The following PCNX2 variants were observed in gnomAD, a reference collection of about 807,000 sequenced individuals.
PCNX2 encodes pecanex 2.
PCNX2 carries 168 observed loss-of-function variants against 223.8 expected under a neutral mutation model. The ratio of observed to expected loss-of-function variants is 0.75; its 90% CI spans 0.66 to 0.85. PCNX2 has a LOEUF of 0.85. Among genes scored for constraint, PCNX2 ranks in the 40% least tolerant of loss-of-function variants. The pLI is 0.00. For missense variants in PCNX2, 2,507 were observed against 2,675.5 expected (o/e 0.94, Z 1.39); for synonymous variants, 1,006 against 1,052.6 (o/e 0.96, Z 0.86).
intron 19 of PCNX2, among the ~76,000 whole-genome samples, chr1:233,145,235 G>C (rs565935255): frequency 6.6e-6 from 1 of 152,096 alleles, no homozygotes; most frequent in South Asian, 2.1e-4. Context: ...CAAAGTGTTG[G>C]GATTACAGCC....
At chr1:233,215,148 G>A (rs191359457) in intron 12 of PCNX2, among the ~76,000 whole-genome samples, 1 of 152,278 alleles carries the variant, frequency 6.6e-6, no homozygotes, top group Admixed American at 6.5e-5. Context: ...CCAAACCTGG[G>A]TTCCCGATCC....
intron 26 of PCNX2, among the ~76,000 whole-genome samples, chr1:233,017,697 T>C (rs1007604101): frequency 2.6e-5 from 4 of 151,552 alleles, no homozygotes; most frequent in African/African-American, 9.7e-5. Flanking sequence ...TCACTTGTAT[T>C]TTCTGCTGGG....
At chr1:233,231,541 T>C (rs1429608050) in intron 9 of PCNX2, 2 of 751,642 alleles carry the variant, frequency 2.7e-6, no homozygotes, top group African/African-American at 3.8e-5. Flanking sequence ...GGTTTTAAAT[T>C]ATTGGCCTGT....
At chr1:233,058,860 T>C (rs1672298621) in intron 23 of PCNX2, among the ~76,000 whole-genome samples, 1 of 152,018 alleles carries the variant, frequency 6.6e-6, no homozygotes. Context: ...AGACGGGGTT[T>C]TACCATGTTG....
intron 28 of PCNX2, among the ~76,000 whole-genome samples, chr1:233,005,522 C>T (rs1670251724): frequency 2.0e-5 from 3 of 152,174 alleles, no homozygotes; most frequent in Non-Finnish European, 2.9e-5. Flanking sequence ...CATTGTGGTG[C>T]TTCATGCTAT....
Position 233,263,079 on chromosome 1 carries a change from G to A in PCNX2, c.238C>T (p.Arg80Cys), listed in dbSNP as rs989007091. ...CCTTTGTCAAACATGAGGTGTAGGC[G>A]ATAACTGACCAGTTTGATTATTGTG... Reference protein sequence around the residue: ...FFTIIKLVSYRLHLMFDKGEV... With the variant: ...FFTIIKLVSYCLHLMFDKGEV... The change falls in exon 2 of 34, where the codon CGC (arginine) becomes TGC (cysteine). Residue 80 changes from arginine to cysteine, a missense_variant. Physicochemically the swap from Arg to Cys is radical, Grantham distance 180. Coordinates refer to ENST00000258229, the MANE Select transcript of PCNX2 (RefSeq NM_014801.4). 8 of 1,613,244 alleles carry A rather than the reference G, an allele frequency of 5.0e-6. No homozygotes were observed. Among genetic ancestry groups the A allele is most frequent in the Admixed American group, 3.3e-5 (2 of 60,002 alleles).
intron 21 of PCNX2, among the ~76,000 whole-genome samples, chr1:233,114,631 T>C (rs1354117650): frequency 6.6e-6 from 1 of 151,620 alleles, no homozygotes; most frequent in Non-Finnish European, 1.5e-5. Flanking sequence ...AACAGAAAAC[T>C]GATGGCTCGT....
At chr1:233,293,825 T>C (rs946726042) in intron 1 of PCNX2, 1 of 381,686 alleles carries the variant, frequency 2.6e-6, no homozygotes, top group Non-Finnish European at 3.6e-6. Flanking sequence ...CAAGCTCATA[T>C]TAGGTCTAGT....
intron 21 of PCNX2, among the ~76,000 whole-genome samples, chr1:233,099,328 A>G (rs1182209587): frequency 6.6e-6 from 1 of 152,212 alleles, no homozygotes; most frequent in Non-Finnish European, 1.5e-5. Flanking sequence ...ATCACACACT[A>G]TAGCAGCAGC....
chr1:233,160,426 A>G lies in PCNX2; in HGVS notation c.3374T>C (p.Leu1125Pro). Residue 1125 changes from leucine (L) to proline (P), a missense_variant, in exon 19 of 34, where the codon CTC (leucine) becomes CCC (proline). Transcript: ENST00000258229. ...STVFLSLRPFLSIVLFALAGA... is the reference protein window; with the variant it reads ...STVFLSLRPFPSIVLFALAGA... Reference sequence around the variant, plus strand: ...AGCCAAGGCAAACAGCACGATGCTGAGAAATGGCTGCGATAAAAATGGGCA... The same window carrying G: ...AGCCAAGGCAAACAGCACGATGCTGGGAAATGGCTGCGATAAAAATGGGCA... The G allele has an allele frequency of 6.2e-7, 1 of 1,613,624 alleles. No homozygotes were observed. The highest frequency in any genetic ancestry group is 1.1e-5 in the South Asian group (1 of 91,044).
intron 17 of PCNX2, among the ~76,000 whole-genome samples, chr1:233,170,917 C>T (rs942231224): frequency 6.6e-6 from 1 of 152,192 alleles, no homozygotes; most frequent in Non-Finnish European, 1.5e-5. Context: ...GTTAATGGTA[C>T]GGGCTGAGCA....
chr1:233,011,249 G>A (rs1223964516), intron 28 of PCNX2, among the ~76,000 whole-genome samples: 1 of 152,128 alleles, frequency 6.6e-6, no homozygotes, highest in Non-Finnish European at 1.5e-5. Flanking sequence ...GTTTCAACAT[G>A]AGGAAATCTA....
chr1:233,313,746 A>G, the PCNX2 span, among the ~76,000 whole-genome samples: 1 of 152,218 alleles, frequency 6.6e-6, no homozygotes, highest in Non-Finnish European at 1.5e-5. Flanking sequence ...ACAAAGAAAT[A>G]ACAGGTAGTT....
chr1:233,206,199 G>C (rs1355178052), intron 13 of PCNX2, among the ~76,000 whole-genome samples: 1 of 152,102 alleles, frequency 6.6e-6, no homozygotes, highest in African/African-American at 2.4e-5. Context: ...ATGGCTGGGG[G>C]TACCCAAGAG....
the PCNX2 span, among the ~76,000 whole-genome samples, chr1:233,311,327 A>G: frequency 1.3e-5 from 2 of 152,230 alleles, no homozygotes; most frequent in Non-Finnish European, 2.9e-5. Flanking sequence ...CCTGCCTGGA[A>G]AGATGGAGAC....
At position 233,014,666 on chromosome 1, in the gene PCNX2, T is replaced by C; in HGVS notation, c.4951A>G (p.Ser1651Gly). 2 of 1,613,426 alleles carry C rather than the reference T, an allele frequency of 1.2e-6. No homozygotes were observed. Among genetic ancestry groups the C allele is most frequent in the Non-Finnish European group, 1.7e-6 (2 of 1,179,372 alleles). Residue 1651 changes from serine (S) to glycine (G), a missense_variant and splice_region_variant, in exon 28 of 34, where the codon AGC becomes GGC. Ser to Gly is a moderately conservative substitution (Grantham distance 56, BLOSUM62 0). This residue lies in a region of PCNX2 where 1,372 missense variants were observed against 1,509.4 expected (regional missense o/e 0.91). Coordinates refer to ENST00000258229, the MANE Select transcript of PCNX2 (RefSeq NM_014801.4). ...ATTCTAACTTCTCCCCCCAGGTACC[T>C]GATGGCCATATTGTGAGCGGCTGTT... Reference protein sequence around the residue: ...LGTAAHNMAISLDSFLYGLHV... With the variant: ...LGTAAHNMAIGLDSFLYGLHV...
chr1:233,025,848 C>T (rs575819932), intron 25 of PCNX2, among the ~76,000 whole-genome samples: 1 of 152,312 alleles, frequency 6.6e-6, no homozygotes, highest in African/African-American at 2.4e-5. Context: ...TGATTAGTCA[C>T]CACGCAAAAA....
intron 22 of PCNX2, among the ~76,000 whole-genome samples, chr1:233,094,703 G>A (rs1674059167): frequency 1.3e-5 from 2 of 152,114 alleles, no homozygotes; most frequent in African/African-American, 2.4e-5. Context: ...TTGTCTTAAT[G>A]AGCCTTATGT....
chr1:233,185,354 G>A (rs1023291163), intron 15 of PCNX2, among the ~76,000 whole-genome samples: 3 of 152,088 alleles, frequency 2.0e-5, no homozygotes, highest in Non-Finnish European at 4.4e-5. Flanking sequence ...CTTGCCCAAG[G>A]TGGTAAGACC....
Sources: allele counts gnomAD v4.1 joint callset (sites outside exome capture counted in the v4.1 genomes callset), GRCh38; gene constraint gnomAD v4.1.1; regional missense constraint gnomAD v4.1.1; transcripts MANE v1.5; gene names NCBI Gene and HGNC (gene_info 2026-07-23, HGNC 2026-07-21).